The following DPYD variants were observed in gnomAD, a reference collection of about 807,000 sequenced individuals.
DPYD encodes the protein dihydropyrimidine dehydrogenase.
In DPYD, 109 loss-of-function variants were observed where a neutral mutation model predicts 116.2. That is an observed-to-expected ratio of 0.94 (90% CI 0.80 to 1.10). The LOEUF is 1.10. Among genes scored for constraint, DPYD ranks in the 50% least tolerant of loss-of-function variants. The pLI, the probability that DPYD is intolerant of heterozygous loss-of-function variation, is 0.00. For synonymous variants in DPYD, 440 were observed against 432.0 expected, an observed-to-expected ratio of 1.02 and a Z score of -0.23; for missense variants, 1,302 against 1,254.5, an observed-to-expected ratio of 1.04 and a Z score of -0.57.
chr1:97,850,729 T>G (rs4421623), intron 2 of DPYD, among the ~76,000 whole-genome samples: 111,281 of 151,644 alleles, frequency 0.73, 41,199 homozygotes, highest in East Asian at 0.93. Flanking sequence ...TTCGGTCACC[T>G]ATTTTTTCCA....
chr1:97,357,493 T>C (rs11576351), intron 16 of DPYD, among the ~76,000 whole-genome samples: 1 of 152,170 alleles, frequency 6.6e-6, no homozygotes, highest in African/African-American at 2.4e-5. Context: ...CTTGATTGGT[T>C]TGGTAAGGCT....
chr1:97,087,716 AT>A (rs1177226653), intron 21 of DPYD, among the ~76,000 whole-genome samples: 1 of 152,184 alleles, frequency 6.6e-6, no homozygotes, highest in Non-Finnish European at 1.5e-5. Flanking sequence ...TTGGATTTAA[AT>A]TCATTTAATG....
intron 1 of DPYD, among the ~76,000 whole-genome samples, chr1:97,888,065 A>T (rs1672596932): frequency 6.6e-6 from 1 of 152,078 alleles, no homozygotes. Flanking sequence ...CAGCAGCATG[A>T]GAACTAATAC....
chr1:97,085,227 T>A (rs968971902), intron 21 of DPYD, among the ~76,000 whole-genome samples: 9 of 152,172 alleles, frequency 5.9e-5, no homozygotes, highest in African/African-American at 2.2e-4. Flanking sequence ...GTGACTAAAA[T>A]CATCAATAAA....
At chr1:97,157,655 T>G (rs1475845628) in intron 20 of DPYD, among the ~76,000 whole-genome samples, 1 of 152,116 alleles carries the variant, frequency 6.6e-6, no homozygotes, top group African/African-American at 2.4e-5. Flanking sequence ...GGCTTGAAAT[T>G]TCTCTAGACT....
chr1:97,511,952 A>G (rs940778160), intron 13 of DPYD, among the ~76,000 whole-genome samples: 1 of 151,962 alleles, frequency 6.6e-6, no homozygotes, highest in Non-Finnish European at 1.5e-5. Flanking sequence ...ACACGTATAG[A>G]TGCACTATAG....
intron 13 of DPYD, among the ~76,000 whole-genome samples, chr1:97,504,263 T>C (rs1679758436): frequency 1.3e-5 from 2 of 152,000 alleles, no homozygotes; most frequent in South Asian, 4.1e-4. Flanking sequence ...TGTCCCACTC[T>C]GCTTGATATA....
intron 16 of DPYD, among the ~76,000 whole-genome samples, chr1:97,342,043 G>A (rs1449320223): frequency 6.6e-6 from 1 of 152,050 alleles, no homozygotes; most frequent in Non-Finnish European, 1.5e-5. Context: ...AATAAACTGG[G>A]GAAAAGAAGT....
chr1:97,671,375 A>G (rs2100896344), intron 8 of DPYD, among the ~76,000 whole-genome samples: 1 of 152,286 alleles, frequency 6.6e-6, no homozygotes, highest in South Asian at 2.1e-4. Context: ...AAATACTTAA[A>G]GAAAATATCT....
chr1:97,683,674 C>T (rs751138158), intron 7 of DPYD, among the ~76,000 whole-genome samples: 7 of 152,068 alleles, frequency 4.6e-5, no homozygotes, highest in African/African-American at 1.7e-4. Context: ...AGCTAAGAAG[C>T]CATTTCTCCT....
chr1:97,774,999 G>T, intron 3 of DPYD: 1 of 307,250 alleles, frequency 3.3e-6, no homozygotes, highest in South Asian at 3.5e-5. Context: ...AAAGAAAGAA[G>T]CTCTATGAAT....
intron 19 of DPYD, among the ~76,000 whole-genome samples, chr1:97,201,453 T>C (rs1199095332): frequency 1.3e-5 from 2 of 152,136 alleles, no homozygotes; most frequent in Non-Finnish European, 2.9e-5. Flanking sequence ...ACAATACATA[T>C]AGATAAGGTA....
At chr1:97,373,705 T>C in intron 15 of DPYD, 61 bp from the exon 16 acceptor site, 1 of 1,420,872 alleles carries the variant, frequency 7.0e-7, no homozygotes, top group Non-Finnish European at 9.9e-7. Flanking sequence ...CCAATAGGCT[T>C]TCACCGTTGA....
chr1:97,827,493 T>C (rs1669299097), intron 3 of DPYD, among the ~76,000 whole-genome samples: 1 of 151,992 alleles, frequency 6.6e-6, no homozygotes, highest in Non-Finnish European at 1.5e-5. Context: ...ATTTGAAAAA[T>C]GCTTCACTAA....
Position 97,115,363 on chromosome 1 carries a change from T to C in DPYD, c.2623-16731A>G, listed in dbSNP as rs114683224. On this transcript the variant is annotated intron_variant, in intron 20 of 22. Coordinates refer to ENST00000370192, the MANE Select transcript of DPYD (RefSeq NM_000110.4). The stretch of plus-strand genomic sequence containing the variant: ...GTTTGTCATCAACATGGATTCTGAT[T>C]TTATTGTTTGAAAGTTCTAAAATAG... Among the ~76,000 whole-genome samples, 1,060 of 152,294 alleles carry C rather than the reference T, an allele frequency of 7.0e-3. 15 individuals are homozygous for C. Among genetic ancestry groups the C allele is most frequent in the African/African-American group, 0.024 (997 of 41,574 alleles).
intron 3 of DPYD, among the ~76,000 whole-genome samples, chr1:97,822,066 A>C (rs1668968001): frequency 6.6e-6 from 1 of 151,434 alleles, no homozygotes; most frequent in Non-Finnish European, 1.5e-5. Context: ...ATTATTCATA[A>C]TATATTCCCA....
At chr1:97,098,798 G>A (rs969497359) in intron 20 of DPYD, among the ~76,000 whole-genome samples, 166 bp from the exon 21 acceptor site, 1 of 151,830 alleles carries the variant, frequency 6.6e-6, no homozygotes, top group African/African-American at 2.4e-5. Flanking sequence ...TAGTCTTCTC[G>A]GTATCAGGTT....
intron 18 of DPYD, among the ~76,000 whole-genome samples, chr1:97,282,804 A>C (rs1665411345): frequency 6.6e-6 from 1 of 152,012 alleles, no homozygotes; most frequent in South Asian, 2.1e-4. Context: ...CCCACTTCCG[A>C]GTGAGAACGG....
At chr1:97,095,396 T>G (rs992128903) in intron 21 of DPYD, among the ~76,000 whole-genome samples, 3 of 152,066 alleles carry the variant, frequency 2.0e-5, no homozygotes, top group Non-Finnish European at 4.4e-5. Context: ...TTGGAACAAC[T>G]GTCTATTTGG....
Sources: gnomAD v4.1 joint callset for allele counts (sites outside exome capture counted in the v4.1 genomes callset) on GRCh38, gnomAD v4.1.1 for gene constraint, MANE v1.5 for transcripts, NCBI Gene and HGNC (gene_info 2026-07-23, HGNC 2026-07-21) for gene names.